CTNNA3: variants seen among roughly 807,000 people sequenced by gnomAD.
The protein encoded by CTNNA3 is catenin alpha-3.
In CTNNA3, 76 loss-of-function variants were observed where a neutral mutation model predicts 95.7. The observed-to-expected ratio is 0.79, with a 90% CI of 0.66 to 0.96. The LOEUF (loss-of-function observed/expected upper bound fraction) is 0.96. Ranked by LOEUF, CTNNA3 falls within the 40% of genes least tolerant of loss-of-function variation. The pLI is 0.00. For synonymous variants in CTNNA3, 431 were observed against 374.4 expected (o/e 1.15, Z -1.74); for missense variants, 1,191 against 1,089.8 (o/e 1.09, Z -1.31).
At chr10:67,371,522 T>G (rs1331466792) in intron 5 of CTNNA3, among the ~76,000 whole-genome samples, 1 of 152,064 alleles carries the variant, frequency 6.6e-6, no homozygotes, top group East Asian at 1.9e-4. Flanking sequence ...GAATGATAGT[T>G]TCCAGCATCA....
At chr10:66,777,488 T>C (rs1162445396) in intron 7 of CTNNA3, among the ~76,000 whole-genome samples, 1 of 152,082 alleles carries the variant, frequency 6.6e-6, no homozygotes, top group Admixed American at 6.5e-5. Flanking sequence ...TGGCAGCAAT[T>C]ACACAGATGA....
At chr10:66,923,641 C>G (rs1173283104) in intron 7 of CTNNA3, among the ~76,000 whole-genome samples, 1 of 152,196 alleles carries the variant, frequency 6.6e-6, no homozygotes, top group East Asian at 1.9e-4. Flanking sequence ...TGTAGTTTAA[C>G]TATGAAGACA....
intron 7 of CTNNA3, among the ~76,000 whole-genome samples, chr10:66,841,855 A>G (rs1843076053): frequency 6.6e-6 from 1 of 152,192 alleles, no homozygotes; most frequent in African/African-American, 2.4e-5. Flanking sequence ...CAACTGCCAT[A>G]AAATGGATAT....
At chr10:66,611,018 T>C (rs1395632826) in intron 10 of CTNNA3, among the ~76,000 whole-genome samples, 2 of 152,132 alleles carry the variant, frequency 1.3e-5, no homozygotes, top group Non-Finnish European at 2.9e-5. Flanking sequence ...CAGATTGAAC[T>C]GGAGGTCACT....
At chr10:67,299,403 C>T (rs942030810) in intron 5 of CTNNA3, among the ~76,000 whole-genome samples, 4 of 152,074 alleles carry the variant, frequency 2.6e-5, no homozygotes, top group East Asian at 1.9e-4. Flanking sequence ...TCAAGATCTA[C>T]GTAAATCTCT....
At chr10:67,224,509 C>T (rs1416730328) in intron 5 of CTNNA3, among the ~76,000 whole-genome samples, 1 of 152,162 alleles carries the variant, frequency 6.6e-6, no homozygotes, top group African/African-American at 2.4e-5. Flanking sequence ...ACTGCTCCTG[C>T]AAAATCTGGG....
At chr10:65,974,694 T>C (rs1279815453) in intron 16 of CTNNA3, among the ~76,000 whole-genome samples, 3 of 152,224 alleles carry the variant, frequency 2.0e-5, no homozygotes, top group Middle Eastern at 3.4e-3. Context: ...CTCAGTATCA[T>C]GCAATATACC....
At chr10:66,186,182 C>T (rs913115007) in intron 13 of CTNNA3, among the ~76,000 whole-genome samples, 1 of 151,960 alleles carries the variant, frequency 6.6e-6, no homozygotes, top group African/African-American at 2.4e-5. Flanking sequence ...GCTAATTACA[C>T]TGATTTGATC....
intron 11 of CTNNA3, among the ~76,000 whole-genome samples, chr10:66,486,890 T>C (rs1839747306): frequency 1.3e-5 from 2 of 151,902 alleles, no homozygotes; most frequent in Non-Finnish European, 1.5e-5. Flanking sequence ...AATCCTGCCA[T>C]ATATGACAAC....
chr10:66,945,793 G>A (rs938520715), intron 7 of CTNNA3, among the ~76,000 whole-genome samples: 7 of 152,064 alleles, frequency 4.6e-5, no homozygotes, highest in African/African-American at 1.4e-4. Flanking sequence ...GGTTATTAAT[G>A]GGTGAAATTT....
At chr10:67,234,128 A>G (rs1336179327) in intron 5 of CTNNA3, among the ~76,000 whole-genome samples, 2 of 152,164 alleles carry the variant, frequency 1.3e-5, no homozygotes, top group Non-Finnish European at 2.9e-5. Context: ...ATTCCAATCA[A>G]TAGAAAAAGA....
At chr10:66,468,268 CA>C (rs1174604652) in intron 11 of CTNNA3, among the ~76,000 whole-genome samples, 2 of 151,886 alleles carry the variant, frequency 1.3e-5, no homozygotes, top group Admixed American at 1.3e-4. Flanking sequence ...CGATGTATTT[CA>C]AAAAGTAAGT....
chr10:67,701,127 A>G (rs1243297600), upstream of CTNNA3, among the ~76,000 whole-genome samples: 1 of 152,242 alleles, frequency 6.6e-6, no homozygotes, highest in Admixed American at 6.5e-5. Flanking sequence ...GGACTATGTG[A>G]AAAGACCAAA....
At chr10:66,452,309 G>C (rs2093469768) in intron 11 of CTNNA3, among the ~76,000 whole-genome samples, 2 of 152,086 alleles carry the variant, frequency 1.3e-5, no homozygotes, top group Non-Finnish European at 2.9e-5. Context: ...ACCTAGTAAT[G>C]ATAATAAATC....
intron 10 of CTNNA3, among the ~76,000 whole-genome samples, chr10:66,526,966 C>A (rs1257630191): frequency 6.6e-6 from 1 of 151,352 alleles, no homozygotes; most frequent in Non-Finnish European, 1.5e-5. Flanking sequence ...TTTTTTTTTC[C>A]ATTTTTTGTG....
Position 66,321,220 on chromosome 10 carries a change from G to GA in CTNNA3, c.1733-40600dup, listed in dbSNP as rs760814505. On this transcript the variant is annotated intron_variant, in intron 12 of 17. Coordinates refer to ENST00000433211, the MANE Select transcript of CTNNA3 (RefSeq NM_013266.4). The stretch of plus-strand genomic sequence containing the variant: ...TAGGTAAAAAATAAAATATAGATTT[G>GA]AAAAAAAATAGTTATAACATGTTAG... Among the ~76,000 whole-genome samples, 16 of 150,958 alleles carry GA rather than the reference G, an allele frequency of 1.1e-4. 1 individual carries two copies. The highest frequency in any genetic ancestry group is 3.6e-4 in the African/African-American group (15 of 41,160).
chr10:66,527,386 T>C (rs558579143), intron 10 of CTNNA3, among the ~76,000 whole-genome samples: 1 of 152,282 alleles, frequency 6.6e-6, no homozygotes. Flanking sequence ...TTTTGGCTAC[T>C]CAAGGTCCCT....
chr10:66,698,402 C>T (rs186995968), intron 9 of CTNNA3, among the ~76,000 whole-genome samples: 3 of 152,084 alleles, frequency 2.0e-5, no homozygotes, highest in Admixed American at 6.6e-5. Flanking sequence ...AATGTGTGTG[C>T]GCTTATTCCT....
intron 12 of CTNNA3, among the ~76,000 whole-genome samples, chr10:66,302,798 A>T (rs1264533424): frequency 6.6e-6 from 1 of 152,192 alleles, no homozygotes. Context: ...TCTCTCATGT[A>T]AAAACATACA....
Sources: gnomAD v4.1 joint callset for allele counts (sites outside exome capture counted in the v4.1 genomes callset) on GRCh38, gnomAD v4.1.1 for gene constraint, MANE v1.5 for transcripts, NCBI Gene and HGNC (gene_info 2026-07-23, HGNC 2026-07-21) for gene names.